Variants in NTM observed in about 807,000 individuals in gnomAD.
NTM encodes the protein neurotrimin, also known as IgLON family member 2.
A neutral mutation model predicts 42.1 loss-of-function variants in NTM; 13 were observed. That is an observed-to-expected ratio of 0.31 (90% CI 0.20 to 0.49). NTM has a LOEUF of 0.49. Among genes scored for constraint, NTM ranks in the 20% least tolerant of loss-of-function variants. NTM has a pLI of 0.99. For synonymous variants in NTM, 187 were observed against 179.2 expected (o/e 1.04, Z -0.35); for missense variants, 373 against 452.8 (o/e 0.82, Z 1.60).
At chr11:131,434,923 G>A (rs966153287) in intron 1 of NTM, among the ~76,000 whole-genome samples, 4 of 152,284 alleles carry the variant, frequency 2.6e-5, no homozygotes, top group Middle Eastern at 3.4e-3. Flanking sequence ...ATGGTTTTAG[G>A]TCTAACATTT....
At chr11:131,723,317 G>T (rs943963794) in intron 1 of NTM, among the ~76,000 whole-genome samples, 1 of 152,394 alleles carries the variant, frequency 6.6e-6, no homozygotes, top group African/African-American at 2.4e-5. Flanking sequence ...ATGGATGGGA[G>T]AGTGTAGAGC....
chr11:132,004,244 G>A (rs2070162051), intron 2 of NTM, among the ~76,000 whole-genome samples: 1 of 152,150 alleles, frequency 6.6e-6, no homozygotes, highest in Non-Finnish European at 1.5e-5. Flanking sequence ...TTCTCAATAA[G>A]AAAATGTGAA....
chr11:131,711,175 C>T (rs2077086139), intron 1 of NTM, among the ~76,000 whole-genome samples: 1 of 152,268 alleles, frequency 6.6e-6, no homozygotes, highest in South Asian at 2.1e-4. Context: ...AAAGAAACTA[C>T]CATCAGAGTG....
chr11:131,789,599 A>AAGGAGAAGG (rs1565552543), intron 1 of NTM, among the ~76,000 whole-genome samples: 2 of 71,226 alleles, frequency 2.8e-5, no homozygotes, highest in Admixed American at 1.6e-4. Context: ...GAAGAAGAAG[A>AAGGAGAAGG]AGAAGAAGAA....
chr11:131,847,336 A>G (rs1054169701), intron 1 of NTM, among the ~76,000 whole-genome samples: 5 of 152,058 alleles, frequency 3.3e-5, no homozygotes, highest in Admixed American at 6.5e-5. Context: ...ATTCTTATTA[A>G]ATTCTAATAA....
chr11:131,487,813 T>C (rs1954346121), intron 1 of NTM, among the ~76,000 whole-genome samples: 1 of 152,196 alleles, frequency 6.6e-6, no homozygotes, highest in Non-Finnish European at 1.5e-5. Flanking sequence ...CTGCCGGATC[T>C]CTAGCTTGGA....
chr11:131,951,821 C>CAAAAAAAA (rs11366451), intron 2 of NTM, among the ~76,000 whole-genome samples: 1 of 70,154 alleles, frequency 1.4e-5, no homozygotes, highest in Non-Finnish European at 2.6e-5. Flanking sequence ...GACTCCGTCT[C>CAAAAAAAA]AAAAAAAAAA....
intron 1 of NTM, among the ~76,000 whole-genome samples, chr11:131,672,073 C>T (rs2070381703): frequency 6.6e-6 from 1 of 152,236 alleles, no homozygotes. Context: ...CTTTGTCTTT[C>T]TACACAAATT....
chr11:131,587,584 G>A (rs189224411), intron 1 of NTM, among the ~76,000 whole-genome samples: 400 of 152,180 alleles, frequency 2.6e-3, no homozygotes, highest in African/African-American at 9.3e-3. Context: ...TTGAAAAATT[G>A]ATGAATAATA....
chr11:132,324,467 G>A (rs1042062968), intron 7 of NTM, among the ~76,000 whole-genome samples: 56 of 151,124 alleles, frequency 3.7e-4, no homozygotes, highest in African/African-American at 1.4e-3. Context: ...ACTTACAAGG[G>A]ATGTGAAGGA....
At chr11:131,696,418 G>C (rs895744818) in intron 1 of NTM, among the ~76,000 whole-genome samples, 1 of 152,200 alleles carries the variant, frequency 6.6e-6, no homozygotes, top group Non-Finnish European at 1.5e-5. Context: ...CTCCAAAGAG[G>C]AAGACATATC....
chr11:132,325,828 T>A (rs886738153), intron 7 of NTM, among the ~76,000 whole-genome samples: 1 of 152,194 alleles, frequency 6.6e-6, no homozygotes, highest in African/African-American at 2.4e-5. Context: ...CACGGAATAC[T>A]ATGCAGCCAT....
At chr11:131,414,655 T>C (rs754166592) in intron 1 of NTM, among the ~76,000 whole-genome samples, 2 of 152,190 alleles carry the variant, frequency 1.3e-5, no homozygotes, top group Non-Finnish European at 2.9e-5. Flanking sequence ...CCAGCATCCC[T>C]GGTTTTTGCA....
At chr11:132,031,760 A>G (rs1438328645) in intron 2 of NTM, among the ~76,000 whole-genome samples, 1 of 152,198 alleles carries the variant, frequency 6.6e-6, no homozygotes, top group East Asian at 1.9e-4. Context: ...ACAGGGTTGA[A>G]TGAAAATTGA....
At chr11:131,534,658 A>G (rs1376267859) in intron 1 of NTM, 1 of 152,204 alleles carries the variant, frequency 6.6e-6, no homozygotes, top group African/African-American at 2.4e-5. Flanking sequence ...TATTTTGGGG[A>G]CAGCACAGGA....
intron 1 of NTM, among the ~76,000 whole-genome samples, chr11:131,497,325 A>G (rs1280724136): frequency 6.6e-6 from 1 of 152,062 alleles, no homozygotes; most frequent in Non-Finnish European, 1.5e-5. Context: ...AGTAGCTGGG[A>G]TTACAGGCTC....
At chr11:132,294,771 T>G (rs2094556622) in intron 4 of NTM, among the ~76,000 whole-genome samples, 2 of 152,166 alleles carry the variant, frequency 1.3e-5, no homozygotes, top group African/African-American at 4.8e-5. Context: ...GGTAGAGAGT[T>G]TAATCTCACT....
At chr11:132,007,576 G>T (rs936827364) in intron 2 of NTM, among the ~76,000 whole-genome samples, 11 of 152,114 alleles carry the variant, frequency 7.2e-5, no homozygotes, top group African/African-American at 2.7e-4. Context: ...TTTATGCAAA[G>T]AGTGTATCCC....
At chr11:131,476,145 T>A (rs1171781264) in intron 1 of NTM, among the ~76,000 whole-genome samples, 1 of 152,230 alleles carries the variant, frequency 6.6e-6, no homozygotes, top group Admixed American at 6.5e-5. Flanking sequence ...TAACTAAATC[T>A]ATACTTACTC....
Sources: gnomAD v4.1 joint callset for allele counts (sites outside exome capture counted in the v4.1 genomes callset) on GRCh38, gnomAD v4.1.1 for gene constraint, MANE v1.5 for transcripts, NCBI Gene and HGNC (gene_info 2026-07-23, HGNC 2026-07-21) for gene names.